Variants in PGGT1B observed in about 807,000 individuals in gnomAD.
The protein encoded by PGGT1B is protein geranylgeranyltransferase type I subunit beta, also known as geranylgeranyl transferase type-1 subunit beta.
A neutral mutation model predicts 46.1 loss-of-function variants in PGGT1B; 30 were observed. That is an observed-to-expected ratio of 0.65 (90% CI 0.49 to 0.88). The LOEUF is 0.88. PGGT1B is among the 40% of genes least tolerant of loss of function. The pLI is 0.00. For missense variants in PGGT1B, 376 were observed against 455.9 expected (o/e 0.82, Z 1.60); for synonymous variants, 170 against 160.0 (o/e 1.06, Z -0.47).
rs1031381108 is a variant in PGGT1B at position 115,205,592 on chromosome 5, T to A, written c.*6810A>T. On this transcript the variant is annotated 3_prime_UTR_variant, in exon 9 of 9. Coordinates refer to ENST00000419445, the MANE Select transcript of PGGT1B (RefSeq NM_005023.4). The stretch of plus-strand genomic sequence containing the variant: ...TGTTAAAGCTTTATCTTGTGTGAGT[T>A]AATTCATATTTGGAATTCAGATTTA... 1 of 152,170 alleles carries A rather than the reference T, an allele frequency of 6.6e-6. No individual in the cohort carries two copies. Among genetic ancestry groups the A allele is most frequent in the African/African-American group, 2.4e-5 (1 of 41,466 alleles). 9.4% of individuals were successfully genotyped at this position (152,170 alleles called of 1,614,324 possible). A position where few individuals can be genotyped will look rare whatever the true frequency, so the allele number is the denominator to read the frequency against.
chr5:115,246,431 C>T (rs1003097548), intron 2 of PGGT1B, among the ~76,000 whole-genome samples: 1 of 151,630 alleles, frequency 6.6e-6, no homozygotes, highest in Non-Finnish European at 1.5e-5. Flanking sequence ...TATTTGTCTG[C>T]TCTTGTGTGC....
chr5:115,220,791 A>T lies in PGGT1B; in HGVS notation c.843+1033T>A, dbSNP rs1256038224. Among the ~76,000 whole-genome samples, 10 of 151,912 alleles carry T rather than the reference A, an allele frequency of 6.6e-5. No homozygotes were observed. In the South Asian group the frequency reaches 1.5e-3, roughly 22 times the overall value. Reference sequence around the variant, plus strand: ...ATGACACTAAGGTTCTGTTTTTTTTAAAAAGTTATTTTCATTTAGAGATTA... The same window carrying T: ...ATGACACTAAGGTTCTGTTTTTTTTTAAAAGTTATTTTCATTTAGAGATTA... On this transcript the variant is annotated intron_variant, in intron 7 of 8. Transcript: ENST00000419445.
intron 1 of PGGT1B, among the ~76,000 whole-genome samples, chr5:115,256,124 T>A (rs1453832199): frequency 6.6e-6 from 1 of 152,214 alleles, no homozygotes; most frequent in Non-Finnish European, 1.5e-5. Context: ...CTGGGAACAC[T>A]GACCCTAACA....
intron 6 of PGGT1B, among the ~76,000 whole-genome samples, chr5:115,225,422 A>T (rs532460598): frequency 6.6e-6 from 1 of 152,280 alleles, no homozygotes; most frequent in South Asian, 2.1e-4. Context: ...ATCTACTTAT[A>T]TTTTAACAGT....
chr5:115,208,250 T>C lies in PGGT1B; in HGVS notation c.*4152A>G, dbSNP rs901096611. The C allele has an allele frequency of 6.6e-6, 1 of 151,554 alleles. No homozygotes were observed. Among genetic ancestry groups the C allele is most frequent in the Non-Finnish European group, 1.5e-5 (1 of 67,956 alleles). The allele number at this position is 151,554 out of a possible 1,614,324, so 9.4% of individuals were successfully genotyped here. Reference sequence around the variant, plus strand: ...AAATGAATTCAGGAGTTTTTCTTTATTTGTTTTTTTTCTTTTTTTGGCACT... The same window carrying C: ...AAATGAATTCAGGAGTTTTTCTTTACTTGTTTTTTTTCTTTTTTTGGCACT... On this transcript the variant is annotated 3_prime_UTR_variant, in exon 9 of 9. Transcript: ENST00000419445.
Position 115,211,130 on chromosome 5 carries a change from G to T in PGGT1B, c.*1272C>A, listed in dbSNP as rs1318835478. 1 of 151,914 alleles carries T rather than the reference G, an allele frequency of 6.6e-6. No individual in the cohort carries two copies. Among genetic ancestry groups the T allele is most frequent in the Non-Finnish European group, 1.5e-5 (1 of 67,898 alleles). The allele number at this position is 151,914 out of a possible 1,614,324, so 9.4% of individuals were successfully genotyped here. A position where few individuals can be genotyped will look rare whatever the true frequency, so the allele number is the denominator to read the frequency against. On this transcript the variant is annotated 3_prime_UTR_variant, in exon 9 of 9. Coordinates refer to ENST00000419445, the MANE Select transcript of PGGT1B (RefSeq NM_005023.4). ...TTATTATCACCAAGACTAACTTAAA[G>T]CCAACTCCTTTAGTGAAGAGATTTC...
rs1756242109 is a variant in PGGT1B, at chr5:115,211,952, CAGATACTTAATTAATTAA to C, written c.*432_*449del. ...GTCATCTGTTTTCAAAGAATAATCC[CAGATACTTAATTAATTAA>C]AGCAAATTTTCTACGATCAGCAGTG... On this transcript the variant is annotated 3_prime_UTR_variant, in exon 9 of 9. Coordinates refer to ENST00000419445, the MANE Select transcript of PGGT1B (RefSeq NM_005023.4). 1 of 155,412 alleles carries C rather than the reference CAGATACTTAATTAATTAA, an allele frequency of 6.4e-6. No homozygotes were observed. Among genetic ancestry groups the C allele is most frequent in the Admixed American group, 6.3e-5 (1 of 15,834 alleles). 9.6% of individuals were successfully genotyped at this position (155,412 alleles called of 1,614,324 possible).
intron 8 of PGGT1B, among the ~76,000 whole-genome samples, chr5:115,214,385 T>C (rs570697707): frequency 6.6e-6 from 1 of 152,216 alleles, no homozygotes; most frequent in Non-Finnish European, 1.5e-5. Context: ...TAAAGCACTT[T>C]AGATGTTGAA....
At position 115,211,516 on chromosome 5, in the gene PGGT1B, A is replaced by G. The variant is rs1580738478; in HGVS notation, c.*886T>C. 2 of 151,656 alleles carry G rather than the reference A, an allele frequency of 1.3e-5. No individual in the cohort carries two copies. The highest frequency in any genetic ancestry group is 4.8e-5 in the African/African-American group (2 of 41,344). The allele number at this position is 151,656 out of a possible 1,614,324, so 9.4% of individuals were successfully genotyped here. On this transcript the variant is annotated 3_prime_UTR_variant, in exon 9 of 9. Coordinates refer to ENST00000419445, the MANE Select transcript of PGGT1B (RefSeq NM_005023.4). ...GCAGCTAACACACTGGGGGCAATAA[A>G]TTAAAAACTTCAAATGGCTAAAAAT... is the stretch of plus-strand genomic sequence containing the variant.
chr5:115,243,763 C>G (rs1380564781), intron 2 of PGGT1B, among the ~76,000 whole-genome samples: 1 of 152,134 alleles, frequency 6.6e-6, no homozygotes, highest in Non-Finnish European at 1.5e-5. Context: ...AGGATGCTGG[C>G]AGAATCAACT....
chr5:115,241,666 G>A, intron 2 of PGGT1B, 60 bp from the exon 3 acceptor site: 1 of 1,266,242 alleles, frequency 7.9e-7, no homozygotes, highest in Non-Finnish European at 1.1e-6. Flanking sequence ...AGATTCTAAA[G>A]CAGTTTAATT....
In PGGT1B at chr5:115,229,221, A is replaced by G. The variant is rs574037845; in HGVS notation, c.658+1755T>C. On this transcript the variant is annotated intron_variant, in intron 6 of 8. Coordinates refer to ENST00000419445, the MANE Select transcript of PGGT1B (RefSeq NM_005023.4). ...GTAGGCCATACTGTAATACTGAGGA[A>G]GATGCTCCTGGCCGGAGACAACCTT... Among the ~76,000 whole-genome samples the G allele has an allele frequency of 3.6e-4, 55 of 152,296 alleles. No individual in the cohort carries two copies. The South Asian group carries it at 0.011, about 31-fold the overall frequency.
intron 4 of PGGT1B, 78 bp downstream of exon 4, chr5:115,237,780 A>T: frequency 8.4e-7 from 1 of 1,190,126 alleles, no homozygotes; most frequent in South Asian, 1.6e-5. Context: ...CTAAAGATCT[A>T]GTATAGTACT....
chr5:115,218,704 A>C (rs2126991760), intron 7 of PGGT1B, among the ~76,000 whole-genome samples: 1 of 151,830 alleles, frequency 6.6e-6, no homozygotes, highest in African/African-American at 2.4e-5. Context: ...GAATGAAAGA[A>C]TACCACTGTT....
rs563832552 is a variant in PGGT1B at position 115,211,675 on chromosome 5, A to T, written c.*727T>A. 1 of 151,420 alleles carries T rather than the reference A, an allele frequency of 6.6e-6. No homozygotes were observed. The highest frequency in any genetic ancestry group is 2.1e-4 in the South Asian group (1 of 4,808). The allele number at this position is 151,420 out of a possible 1,614,324, so 9.4% of individuals were successfully genotyped here. A position where few individuals can be genotyped will look rare whatever the true frequency, so the allele number is the denominator to read the frequency against. On this transcript the variant is annotated 3_prime_UTR_variant, in exon 9 of 9. Coordinates refer to ENST00000419445, the MANE Select transcript of PGGT1B (RefSeq NM_005023.4). ...AACATAACTGGTATTCACCACAGCA[A>T]TGTCTAGATAAATGACCCACATAGC... is the stretch of plus-strand genomic sequence containing the variant.
At chr5:115,224,268 TAGAC>T (rs1016950687) in intron 6 of PGGT1B, among the ~76,000 whole-genome samples, 83 of 152,154 alleles carry the variant, frequency 5.5e-4, no homozygotes, top group African/African-American at 1.9e-3. Flanking sequence ...AAGTCTCTAA[TAGAC>T]AGTAAGTAAC....
intron 1 of PGGT1B, among the ~76,000 whole-genome samples, chr5:115,257,711 G>A (rs1044306047): frequency 6.6e-6 from 1 of 152,098 alleles, no homozygotes; most frequent in Admixed American, 6.6e-5. Flanking sequence ...CCTTTACCAA[G>A]TGTCTTAAAC....
At chr5:115,232,989 CA>C (rs1320748019) in intron 5 of PGGT1B, among the ~76,000 whole-genome samples, 2 of 151,398 alleles carry the variant, frequency 1.3e-5, no homozygotes, top group Non-Finnish European at 3.0e-5. Flanking sequence ...ACCCCAGCTA[CA>C]AAAAAAGCCA....
rs1374474231 is a variant in PGGT1B, at chr5:115,205,093, T to C, written c.*7309A>G. ...TTAGTGATTGTTTTCCTTCAATCTT[T>C]AGAGATTTCATAAAGCTCTACCAAA... On this transcript the variant is annotated 3_prime_UTR_variant, in exon 9 of 9. Transcript: ENST00000419445. The C allele has an allele frequency of 6.6e-6, 1 of 152,210 alleles. No individual in the cohort carries two copies. Among genetic ancestry groups the C allele is most frequent in the African/African-American group, 2.4e-5 (1 of 41,464 alleles). 9.4% of individuals were successfully genotyped at this position (152,210 alleles called of 1,614,324 possible). A position where few individuals can be genotyped will look rare whatever the true frequency, so the allele number is the denominator to read the frequency against.
Sources: gnomAD v4.1 joint callset for allele counts (sites outside exome capture counted in the v4.1 genomes callset) on GRCh38, gnomAD v4.1.1 for gene constraint, MANE v1.5 for transcripts, NCBI Gene and HGNC (gene_info 2026-07-23, HGNC 2026-07-21) for gene names.